ACYP2: variants seen among roughly 807,000 people sequenced by gnomAD.
ACYP2 encodes acylphosphatase-2.
In ACYP2, 12 loss-of-function variants were observed where a neutral mutation model predicts 11.2. The observed-to-expected ratio is 1.08, with a 90% CI of 0.69 to 1.74. The LOEUF is 1.74. Ranked by LOEUF, ACYP2 falls within the 40% of genes most tolerant of loss-of-function variation. ACYP2 has a pLI of 0.00. For synonymous variants in ACYP2, 43 were observed against 32.2 expected (o/e 1.33, Z -1.13); for missense variants, 134 against 101.9 (o/e 1.31, Z -1.35).
At chr2:53,980,412 A>C (rs921013408) in intron 2 of ACYP2, among the ~76,000 whole-genome samples, 6 of 151,802 alleles carry the variant, frequency 4.0e-5, no homozygotes, top group Non-Finnish European at 5.9e-5. Context: ...AATTTAATTT[A>C]TTATTGAAGA....
At chr2:54,161,593 T>G (rs1682714559) in intron 6 of ACYP2, among the ~76,000 whole-genome samples, 1 of 152,228 alleles carries the variant, frequency 6.6e-6, no homozygotes, top group South Asian at 2.1e-4. Context: ...GGTATACATG[T>G]TCTATCCTAA....
intron 4 of ACYP2, among the ~76,000 whole-genome samples, chr2:54,105,728 A>C (rs926192602): frequency 6.6e-6 from 1 of 151,988 alleles, no homozygotes; most frequent in Non-Finnish European, 1.5e-5. Context: ...TCCTGGGCTC[A>C]AGCGATCCTC....
chr2:54,183,736 A>G (rs1437121805), intron 6 of ACYP2, among the ~76,000 whole-genome samples: 2 of 152,214 alleles, frequency 1.3e-5, no homozygotes, highest in African/African-American at 4.8e-5. Flanking sequence ...CAACTTGTCT[A>G]TTGTAAGATG....
intron 2 of ACYP2, among the ~76,000 whole-genome samples, chr2:54,018,345 G>A (rs1019599069): frequency 7.2e-5 from 11 of 152,140 alleles, no homozygotes; most frequent in Admixed American, 5.9e-4. Context: ...CTTGAGAGCC[G>A]CTGGTATAGT....
intron 6 of ACYP2, among the ~76,000 whole-genome samples, chr2:54,299,454 T>C (rs1682118): frequency 0.76 from 115,210 of 151,688 alleles, 44,222 homozygotes; most frequent in African/African-American, 0.86. Flanking sequence ...TAGCTGGGCA[T>C]GGTGGCGCAT....
chr2:54,222,964 C>T (rs1205611318), intron 6 of ACYP2: 1 of 152,152 alleles, frequency 6.6e-6, no homozygotes, highest in African/African-American at 2.4e-5. Flanking sequence ...AACACCATGC[C>T]CCTTTTCATA....
At chr2:54,148,818 C>G (rs1682016631) in intron 6 of ACYP2, among the ~76,000 whole-genome samples, 1 of 152,146 alleles carries the variant, frequency 6.6e-6, no homozygotes, top group Non-Finnish European at 1.5e-5. Context: ...TATTAAGGTA[C>G]TGAATTATCA....
chr2:54,193,520 G>A (rs1019440803), intron 6 of ACYP2, among the ~76,000 whole-genome samples: 8 of 152,042 alleles, frequency 5.3e-5, no homozygotes, highest in Non-Finnish European at 1.2e-4. Context: ...ACACTTAGTC[G>A]TGACAAGTAC....
chr2:53,990,093 C>T (rs1289481667), intron 2 of ACYP2, among the ~76,000 whole-genome samples: 2 of 151,512 alleles, frequency 1.3e-5, no homozygotes, highest in African/African-American at 4.9e-5. Context: ...ATTCTCCTGC[C>T]TCAGCCTCCG....
At chr2:54,125,241 T>G (rs1387585245) in intron 4 of ACYP2, among the ~76,000 whole-genome samples, 1 of 151,728 alleles carries the variant, frequency 6.6e-6, no homozygotes, top group East Asian at 1.9e-4. Flanking sequence ...CCATTTATTT[T>G]TAAAGTCTTG....
At chr2:54,203,866 C>G (rs560519889) in intron 6 of ACYP2, among the ~76,000 whole-genome samples, 193 of 151,186 alleles carry the variant, frequency 1.3e-3, no homozygotes, top group African/African-American at 4.5e-3. Context: ...TATAAAATTT[C>G]TTCCAATCAC....
intron 2 of ACYP2, among the ~76,000 whole-genome samples, chr2:53,999,066 A>G (rs1280496659): frequency 4.6e-5 from 7 of 152,126 alleles, no homozygotes; most frequent in Admixed American, 4.6e-4. Flanking sequence ...GGCAACTGTA[A>G]AGGAAATACA....
At chr2:54,070,954 G>A (rs1677011013) in intron 4 of ACYP2, among the ~76,000 whole-genome samples, 1 of 151,924 alleles carries the variant, frequency 6.6e-6, no homozygotes, top group Admixed American at 6.6e-5. Flanking sequence ...GTTTCATCAT[G>A]TTGCCCAGGT....
At chr2:54,254,975 G>T (rs763659704) in intron 6 of ACYP2, 2 of 1,613,930 alleles carry the variant, frequency 1.2e-6, no homozygotes, top group Non-Finnish European at 1.7e-6. Flanking sequence ...CTTACCAGGC[G>T]ACGTCTAGCT....
chr2:54,226,076 G>C (rs1363459976), intron 6 of ACYP2, among the ~76,000 whole-genome samples: 4 of 152,156 alleles, frequency 2.6e-5, no homozygotes, highest in Non-Finnish European at 5.9e-5. Context: ...GTGAGAAAAT[G>C]AAGTCTTGTA....
intron 6 of ACYP2, among the ~76,000 whole-genome samples, chr2:54,200,502 T>G (rs1684709411): frequency 6.6e-6 from 1 of 152,208 alleles, no homozygotes. Context: ...TTCATATAAA[T>G]GGTATCATGC....
At chr2:54,139,293 A>C (rs1681460562) in intron 6 of ACYP2, among the ~76,000 whole-genome samples, 1 of 152,216 alleles carries the variant, frequency 6.6e-6, no homozygotes, top group African/African-American at 2.4e-5. Flanking sequence ...CCAGGCAAAA[A>C]GATTGCCATC....
chr2:54,019,280 C>T (rs1237968153), intron 2 of ACYP2, among the ~76,000 whole-genome samples: 1 of 152,026 alleles, frequency 6.6e-6, no homozygotes, highest in African/African-American at 2.4e-5. Context: ...CTATGTCACC[C>T]AGGCTGGTCT....
intron 4 of ACYP2, among the ~76,000 whole-genome samples, chr2:54,133,230 A>G (rs1470989119): frequency 6.6e-6 from 1 of 152,168 alleles, no homozygotes; most frequent in Non-Finnish European, 1.5e-5. Context: ...GGAGTTACAC[A>G]GTATGTGTGA....
Sources: gnomAD v4.1 joint callset for allele counts (sites outside exome capture counted in the v4.1 genomes callset) on GRCh38, gnomAD v4.1.1 for gene constraint, MANE v1.5 for transcripts, NCBI Gene and HGNC (gene_info 2026-07-23, HGNC 2026-07-21) for gene names.